Variants in AKAP6 observed in about 807,000 individuals in gnomAD.
The protein encoded by AKAP6 is A-kinase anchor protein 6.
In AKAP6, 58 loss-of-function variants were observed where a neutral mutation model predicts 188.5. That is an observed-to-expected ratio of 0.31 (90% confidence interval 0.25 to 0.38). The LOEUF (loss-of-function observed/expected upper bound fraction) is 0.38, where lower values mean the gene tolerates loss of function less well. AKAP6 is among the 10% of genes least tolerant of loss of function. The pLI is 1.00. For synonymous variants in AKAP6, 989 were observed against 998.6 expected (o/e 0.99, Z 0.18); for missense variants, 2,710 against 2,740.0 (o/e 0.99, Z 0.24).
rs2034872111 is a variant in AKAP6 at position 32,836,075 on chromosome 14, G to A, written c.*6270G>A. On this transcript the variant is annotated 3_prime_UTR_variant, in exon 14 of 14. Coordinates refer to ENST00000280979, the MANE Select transcript of AKAP6 (RefSeq NM_004274.5). ...CAGAGCTTATTTGTCCTTGCATTTT[G>A]AAGTAAATCATTGCCTGCATAAAGC... 6.6e-6 allele frequency: 1 copy of A among 152,236 alleles called. No homozygotes were observed. The highest frequency in any genetic ancestry group is 6.5e-5 in the Admixed American group (1 of 15,286). 9.4% of individuals were successfully genotyped at this position (152,236 alleles called of 1,614,324 possible). A position where few individuals can be genotyped will look rare whatever the true frequency, so the allele number is the denominator to read the frequency against.
intron 11 of AKAP6, among the ~76,000 whole-genome samples, chr14:32,767,918 G>A (rs1469105440): frequency 6.6e-6 from 1 of 152,114 alleles, no homozygotes; most frequent in Non-Finnish European, 1.5e-5. Flanking sequence ...CAACCTGATG[G>A]TCTTACAGAA....
chr14:32,737,171 G>A (rs2031466982), intron 11 of AKAP6, among the ~76,000 whole-genome samples: 1 of 152,018 alleles, frequency 6.6e-6, no homozygotes, highest in Admixed American at 6.6e-5. Flanking sequence ...TTTTCTTTAT[G>A]ACTTGAAACT....
At chr14:32,412,622 T>C (rs1217395901) in intron 1 of AKAP6, among the ~76,000 whole-genome samples, 1 of 152,206 alleles carries the variant, frequency 6.6e-6, no homozygotes, top group African/African-American at 2.4e-5. Context: ...AGAAATTTAC[T>C]GTTCACTTTC....
At chr14:32,506,140 C>A (rs2139000983) in intron 2 of AKAP6, among the ~76,000 whole-genome samples, 1 of 151,756 alleles carries the variant, frequency 6.6e-6, no homozygotes, top group South Asian at 2.1e-4. Flanking sequence ...GAGACTCCAT[C>A]TCAAATAATA....
intron 2 of AKAP6, among the ~76,000 whole-genome samples, chr14:32,439,471 C>T (rs1419187940): frequency 6.6e-6 from 1 of 152,170 alleles, no homozygotes; most frequent in Admixed American, 6.5e-5. Flanking sequence ...GTGTGGATAA[C>T]TAATGAGGGG....
intron 1 of AKAP6, among the ~76,000 whole-genome samples, chr14:32,416,928 C>A (rs1382834497): frequency 6.6e-6 from 1 of 152,178 alleles, no homozygotes; most frequent in Non-Finnish European, 1.5e-5. Context: ...GCAACTTCCG[C>A]CTCCTGGGTT....
At chr14:32,677,115 C>T (rs562785559) in intron 7 of AKAP6, among the ~76,000 whole-genome samples, 11 of 152,324 alleles carry the variant, frequency 7.2e-5, no homozygotes, top group South Asian at 4.1e-4. Flanking sequence ...CATGCATCAC[C>T]GCACCCGGCC....
At chr14:32,369,033 G>T (rs1430183475) in intron 1 of AKAP6, among the ~76,000 whole-genome samples, 1 of 152,024 alleles carries the variant, frequency 6.6e-6, no homozygotes, top group Non-Finnish European at 1.5e-5. Context: ...GAGAATGAAC[G>T]GGCTTTATTA....
At chr14:32,786,897 T>A (rs936971999) in intron 12 of AKAP6, among the ~76,000 whole-genome samples, 1 of 152,190 alleles carries the variant, frequency 6.6e-6, no homozygotes, top group Non-Finnish European at 1.5e-5. Context: ...ACAAATATAT[T>A]TTTTTCTTTT....
intron 2 of AKAP6, among the ~76,000 whole-genome samples, chr14:32,493,269 C>T (rs1229390632): frequency 6.6e-6 from 1 of 151,988 alleles, no homozygotes; most frequent in Non-Finnish European, 1.5e-5. Flanking sequence ...TATACTGGTG[C>T]GATCACGGTG....
intron 7 of AKAP6, among the ~76,000 whole-genome samples, chr14:32,645,410 C>CT (rs1178129005): frequency 1.3e-5 from 2 of 152,136 alleles, no homozygotes; most frequent in Non-Finnish European, 2.9e-5. Context: ...TATTTCATAA[C>CT]TGGGCTCCTC....
intron 1 of AKAP6, among the ~76,000 whole-genome samples, chr14:32,386,845 C>T (rs916151214): frequency 6.6e-6 from 1 of 152,120 alleles, no homozygotes; most frequent in Non-Finnish European, 1.5e-5. Flanking sequence ...TACCCCAGCA[C>T]CATTTGTTGA....
At chr14:32,609,880 GAC>G (rs71115085) in intron 7 of AKAP6, among the ~76,000 whole-genome samples, 48,211 of 136,990 alleles carry the variant, frequency 0.35, 9,110 homozygotes, top group Non-Finnish European at 0.46. Flanking sequence ...CTCTCTCTCT[GAC>G]ACACACACAC....
chr14:32,788,562 C>T (rs371312951), intron 12 of AKAP6, among the ~76,000 whole-genome samples: 4 of 152,154 alleles, frequency 2.6e-5, no homozygotes, highest in Admixed American at 2.6e-4. Context: ...TGGCACGGAG[C>T]GAAAGGAACC....
chr14:32,601,257 G>T (rs571552532), intron 7 of AKAP6, among the ~76,000 whole-genome samples: 1 of 152,310 alleles, frequency 6.6e-6, no homozygotes, highest in East Asian at 1.9e-4. Context: ...ATGACTATCA[G>T]ATGCATTGCC....
chr14:32,671,933 C>T (rs911847044), intron 7 of AKAP6, among the ~76,000 whole-genome samples: 6 of 152,064 alleles, frequency 3.9e-5, no homozygotes, highest in African/African-American at 1.4e-4. Context: ...AAAGATAAAG[C>T]ATTAGGTCTA....
intron 1 of AKAP6, among the ~76,000 whole-genome samples, chr14:32,353,997 T>C (rs1284602467): frequency 6.6e-6 from 1 of 152,118 alleles, no homozygotes; most frequent in Non-Finnish European, 1.5e-5. Flanking sequence ...TGCTCATGGA[T>C]AGGAAGAATC....
intron 9 of AKAP6, among the ~76,000 whole-genome samples, chr14:32,731,792 T>A (rs1485331141): frequency 6.6e-6 from 1 of 152,068 alleles, no homozygotes; most frequent in Non-Finnish European, 1.5e-5. Flanking sequence ...GCAAAACATC[T>A]TTTAGGAGAG....
At chr14:32,455,292 G>A (rs1891115416) in intron 2 of AKAP6, among the ~76,000 whole-genome samples, 2 of 152,036 alleles carry the variant, frequency 1.3e-5, no homozygotes, top group Non-Finnish European at 2.9e-5. Flanking sequence ...TATGTGATAT[G>A]AAAATATGCA....
Sources: allele counts gnomAD v4.1 joint callset (sites outside exome capture counted in the v4.1 genomes callset), GRCh38; gene constraint gnomAD v4.1.1; transcripts MANE v1.5; gene names NCBI Gene and HGNC (gene_info 2026-07-23, HGNC 2026-07-21).